The following NRK variants were observed in gnomAD, a reference collection of about 807,000 sequenced individuals.
NRK encodes the protein nik-related protein kinase.
Under a neutral mutation model 125.2 loss-of-function variants are expected in NRK, and 67 were observed. That is an observed-to-expected ratio of 0.54 (90% CI 0.44 to 0.66). The LOEUF is 0.66. NRK is among the 30% of genes least tolerant of loss of function. NRK has a pLI of 0.00. For synonymous variants in NRK, 458 were observed against 429.0 expected, an observed-to-expected ratio of 1.07 and a Z score of -0.84; for missense variants, 1,224 against 1,192.9, an observed-to-expected ratio of 1.03 and a Z score of -0.38.
Position 105,943,423 on chromosome X carries a change from G to T in NRK, c.3959-518G>T, listed in dbSNP as rs138852126. Among the ~76,000 whole-genome samples the T allele has an allele frequency of 6.7e-3, 754 of 111,894 alleles. 4 individuals are homozygous for T. Among genetic ancestry groups the T allele is most frequent in the Admixed American group, 0.011 (118 of 10,542 alleles). ...TTAGTACCATACTGCTTTGATTACT[G>T]TAACTTGCAGTAAGCTTTGAAATTG... On this transcript the variant is annotated intron_variant, in intron 23 of 28. Coordinates refer to ENST00000243300, the MANE Select transcript of NRK (RefSeq NM_198465.4).
chrX:105,917,835 G>GT (rs942887549), intron 16 of NRK, among the ~76,000 whole-genome samples, 163 bp downstream of exon 16: 1 of 111,567 alleles, frequency 9.0e-6, no homozygotes, highest in Admixed American at 9.5e-5. Context: ...TGGCAATTGG[G>GT]TGGTCAGTGG....
intron 2 of NRK, among the ~76,000 whole-genome samples, chrX:105,873,081 C>T (rs186215178): frequency 1.8e-5 from 2 of 111,596 alleles, no homozygotes; most frequent in East Asian, 5.7e-4. Context: ...ACCAGAAAAC[C>T]GATTGAAAAG....
At chrX:105,939,088 GAGACCATATCACAT>G (rs1289689107) in intron 22 of NRK, among the ~76,000 whole-genome samples, 1 of 111,634 alleles carries the variant, frequency 9.0e-6, no homozygotes, top group African/African-American at 3.3e-5. Flanking sequence ...ATTAAAATTC[GAGACCATATCACAT>G]AGATGTAGAT....
chrX:105,855,189 T>C (rs1418319872), intron 2 of NRK, among the ~76,000 whole-genome samples: 1 of 111,456 alleles, frequency 9.0e-6, no homozygotes, highest in Non-Finnish European at 1.9e-5. Flanking sequence ...TGCCTCTCTG[T>C]GTTCTGATTT....
At chrX:105,857,606 T>C (rs1040523082) in intron 2 of NRK, among the ~76,000 whole-genome samples, 14 of 108,856 alleles carry the variant, frequency 1.3e-4, no homozygotes, top group South Asian at 7.7e-4. Context: ...AATCCCCCCC[T>C]TTTTTTTTGC....
At chrX:105,822,502 C>T (rs1435477242), upstream of NRK, 9 of 289,773 alleles carry the variant, frequency 3.1e-5, no homozygotes, top group Middle Eastern at 9.9e-4. Flanking sequence ...TGCACCGCCC[C>T]CCTCCCCACC....
intron 19 of NRK, among the ~76,000 whole-genome samples, chrX:105,926,787 A>G (rs1450887768): frequency 9.0e-6 from 1 of 111,275 alleles, no homozygotes; most frequent in Non-Finnish European, 1.9e-5. Context: ...GCCTTTATCA[A>G]AAATCAACCA....
intron 2 of NRK, among the ~76,000 whole-genome samples, chrX:105,842,100 T>C (rs1324628065): frequency 1.8e-5 from 2 of 111,521 alleles, no homozygotes; most frequent in African/African-American, 6.5e-5. Flanking sequence ...TCAATTAGAT[T>C]AGCCAATTGA....
chrX:105,842,800 TA>T (rs1490108043), intron 2 of NRK, among the ~76,000 whole-genome samples: 3 of 110,630 alleles, frequency 2.7e-5, no homozygotes. Flanking sequence ...GGTGAGGAGG[TA>T]AATACAAGGT....
intron 28 of NRK, among the ~76,000 whole-genome samples, chrX:105,954,646 T>C (rs2040949963): frequency 9.0e-6 from 1 of 111,305 alleles, no homozygotes; most frequent in Non-Finnish European, 1.9e-5. Context: ...ACCTAGTGTA[T>C]CTTATCATCA....
In NRK at chrX:105,909,826, C is replaced by G. The variant is rs779676790; in HGVS notation, c.2185C>G (p.Arg729Gly). 51 of 1,167,784 alleles carry G rather than the reference C, an allele frequency of 4.4e-5. No homozygotes were observed. The highest frequency in any genetic ancestry group is 5.4e-5 in the Non-Finnish European group (47 of 869,418). ...AGAAGCCCGCAGGCAAAGGCGCCAA[C>G]GCAGATGGGAAGATATCTTTAATCA... Reference protein sequence around the residue: ...DLEARRQRRQRRWEDIFNQHE... With the variant: ...DLEARRQRRQGRWEDIFNQHE... Residue 729 changes from arginine to glycine, a missense_variant, in exon 13 of 29, where the codon CGC becomes GGC. Physicochemically the swap from Arg to Gly is moderately radical, Grantham distance 125 (BLOSUM62 -2). Coordinates refer to ENST00000243300, the MANE Select transcript of NRK (RefSeq NM_198465.4).
At chrX:105,882,203 C>T (rs1031378616) in intron 4 of NRK, among the ~76,000 whole-genome samples, 9 of 110,834 alleles carry the variant, frequency 8.1e-5, no homozygotes, top group Non-Finnish European at 1.7e-4. Flanking sequence ...GTGATTCTAA[C>T]AAACATTACC....
rs757349820 is a variant in NRK at position 105,956,277 on chromosome X, T to G, written c.*677T>G. ...AGGAAGAAAGCCCCAGACGCTTGGT[T>G]TTTCTCAGAACCCCCAAAAGATGTG... On this transcript the variant is annotated 3_prime_UTR_variant, in exon 29 of 29. Transcript: ENST00000243300. 1.8e-5 allele frequency: 2 copies of G among 111,714 alleles called. No homozygotes were observed. The highest frequency in any genetic ancestry group is 7.6e-4 in the South Asian group (2 of 2,627). 9.2% of individuals were successfully genotyped at this position (111,714 alleles called of 1,213,427 possible). A position where few individuals can be genotyped will look rare whatever the true frequency, so the allele number is the denominator to read the frequency against.
intron 2 of NRK, among the ~76,000 whole-genome samples, chrX:105,847,273 G>A (rs1166254580): frequency 1.8e-5 from 2 of 111,913 alleles, no homozygotes; most frequent in Non-Finnish European, 3.8e-5. Context: ...GTGTCAAAGA[G>A]ACTTTCTAAT....
At chrX:105,918,514 T>A (rs2147760512) in intron 16 of NRK, among the ~76,000 whole-genome samples, 1 of 111,937 alleles carries the variant, frequency 8.9e-6, no homozygotes, top group African/African-American at 3.2e-5. Flanking sequence ...TCTTCTTAAG[T>A]GACTCAGATT....
At chrX:105,927,697 AT>A (rs1366485099) in intron 19 of NRK, among the ~76,000 whole-genome samples, 3 of 111,375 alleles carry the variant, frequency 2.7e-5, no homozygotes, top group African/African-American at 9.8e-5. Flanking sequence ...GGAATGTAGA[AT>A]TTTATCAAAT....
At chrX:105,857,501 G>C (rs1416321817) in intron 2 of NRK, among the ~76,000 whole-genome samples, 2 of 111,858 alleles carry the variant, frequency 1.8e-5, no homozygotes, top group Non-Finnish European at 1.9e-5. Context: ...ATAAAGATCA[G>C]ATTTTCCTGG....
At chrX:105,834,717 T>TC (rs1481382987) in intron 2 of NRK, among the ~76,000 whole-genome samples, 1 of 111,331 alleles carries the variant, frequency 9.0e-6, no homozygotes, top group Non-Finnish European at 1.9e-5. Flanking sequence ...TGTGTTTCAT[T>TC]CTTTTTTTTC....
chrX:105,849,611 G>C (rs1199641800), intron 2 of NRK, among the ~76,000 whole-genome samples: 1 of 111,998 alleles, frequency 8.9e-6, no homozygotes, highest in Non-Finnish European at 1.9e-5. Context: ...GATACAAGGA[G>C]GGTACCAGAA....
Sources: allele counts gnomAD v4.1 joint callset (sites outside exome capture counted in the v4.1 genomes callset), GRCh38; gene constraint gnomAD v4.1.1; transcripts MANE v1.5; gene names NCBI Gene and HGNC (gene_info 2026-07-23, HGNC 2026-07-21).